Variants in COMMD10 observed in about 807,000 individuals in gnomAD.
COMMD10 encodes the protein COMM domain-containing protein 10.
In COMMD10, 33 loss-of-function variants were observed where a neutral mutation model predicts 28.9. The ratio of observed to expected loss-of-function variants is 1.14; its 90% CI spans 0.87 to 1.53. The LOEUF (loss-of-function observed/expected upper bound fraction) is 1.53, where lower values mean the gene tolerates loss of function less well. COMMD10 is among the 40% of genes most tolerant of loss of function. The pLI, the probability that COMMD10 is intolerant of heterozygous loss-of-function variation, is 0.00. For synonymous variants in COMMD10, 110 were observed against 81.7 expected (o/e 1.35, Z -1.87); for missense variants, 310 against 233.4 (o/e 1.33, Z -2.14).
At chr5:116,154,804 A>G (rs910651603) in intron 5 of COMMD10, among the ~76,000 whole-genome samples, 1 of 150,428 alleles carries the variant, frequency 6.6e-6, no homozygotes, top group Admixed American at 6.6e-5. Flanking sequence ...TTTTTTTAAT[A>G]TACAGTGGGA....
At chr5:116,288,868 CTCTCTTTT>C (rs1751287544) in intron 5 of COMMD10, among the ~76,000 whole-genome samples, 2 of 132,032 alleles carry the variant, frequency 1.5e-5, no homozygotes, top group African/African-American at 6.0e-5. Context: ...TTGGTGTTCT[CTCTCTTTT>C]TTTTTTTTTT....
chr5:116,170,371 G>A (rs906959859), intron 5 of COMMD10, among the ~76,000 whole-genome samples: 11 of 152,210 alleles, frequency 7.2e-5, no homozygotes, highest in African/African-American at 2.4e-4. Flanking sequence ...CTATGCTCAT[G>A]CATAGGAAGA....
intron 4 of COMMD10, among the ~76,000 whole-genome samples, chr5:116,127,160 C>A (rs1399445038): frequency 1.3e-5 from 2 of 152,146 alleles, no homozygotes; most frequent in Non-Finnish European, 2.9e-5. Context: ...ATGCAGCCAA[C>A]AGACACATGA....
intron 5 of COMMD10, among the ~76,000 whole-genome samples, chr5:116,169,607 G>C (rs188234453): frequency 2.0e-5 from 3 of 152,228 alleles, no homozygotes; most frequent in Non-Finnish European, 2.9e-5. Context: ...CTGGCAAACT[G>C]AATCCAGCAG....
intron 5 of COMMD10, among the ~76,000 whole-genome samples, chr5:116,201,293 G>C (rs1748660533): frequency 6.6e-6 from 1 of 152,184 alleles, no homozygotes; most frequent in African/African-American, 2.4e-5. Context: ...GGAAGCATGA[G>C]TGGATTTTTC....
Position 116,278,637 on chromosome 5 carries a change from C to G in COMMD10, c.511-12880C>G, listed in dbSNP as rs137902624. ...TTCATGAAAATATTTCATGCGCTCT[C>G]TTATACGATTTTTATACTGAATAAA... On this transcript the variant is annotated intron_variant, in intron 5 of 6. Transcript: ENST00000274458. 2.0e-3 allele frequency among the ~76,000 whole-genome samples: 307 copies of G among 151,920 alleles called. 7 individuals are homozygous for G. Among genetic ancestry groups the G allele is most frequent in the African/African-American group, 7.1e-3 (292 of 41,276 alleles).
Position 116,288,872 on chromosome 5 carries a change from C to CT in COMMD10, c.511-2618dup, listed in dbSNP as rs1157658912. 5.6e-3 allele frequency among the ~76,000 whole-genome samples: 587 copies of CT among 104,342 alleles called. 59 individuals are homozygous for CT. The highest frequency in any genetic ancestry group is 0.013 in the East Asian group (47 of 3,572). 68.5% of individuals were successfully genotyped at this position (104,342 alleles called of 152,430 possible). On this transcript the variant is annotated intron_variant, in intron 5 of 6. Coordinates refer to ENST00000274458, the MANE Select transcript of COMMD10 (RefSeq NM_016144.4). ...GTTTTCAATTGTTGGTGTTCTCTCT[C>CT]TTTTTTTTTTTTTTTTTTTTTTTTT...
In COMMD10 at chr5:116,228,895, T is replaced by C. The variant is rs1252081045; in HGVS notation, c.511-62622T>C. On this transcript the variant is annotated intron_variant, in intron 5 of 6. Transcript: ENST00000274458. The stretch of plus-strand genomic sequence containing the variant: ...ATAAATAAGCATTGAGACATATTCT[T>C]GTAGTTGAAAACTTAGTGTGGGAAT... 2.0e-5 allele frequency among the ~76,000 whole-genome samples: 3 copies of C among 152,138 alleles called. No homozygotes were observed. The East Asian group carries it at 5.8e-4, about 29-fold the overall frequency.
At chr5:116,272,070 A>G (rs1750774708) in intron 5 of COMMD10, among the ~76,000 whole-genome samples, 1 of 151,898 alleles carries the variant, frequency 6.6e-6, no homozygotes, top group African/African-American at 2.4e-5. Context: ...GAATTAAAAT[A>G]TAAAAATAAA....
chr5:116,111,236 T>C (rs746059568), intron 4 of COMMD10, among the ~76,000 whole-genome samples: 7 of 152,136 alleles, frequency 4.6e-5, no homozygotes, highest in Non-Finnish European at 7.4e-5. Context: ...GTTTCATTAA[T>C]TTTTTAATTT....
intron 5 of COMMD10, among the ~76,000 whole-genome samples, chr5:116,167,198 C>G (rs909275201): frequency 9.2e-5 from 14 of 151,894 alleles, no homozygotes; most frequent in African/African-American, 3.1e-4. Flanking sequence ...GAACTTCATG[C>G]AGCCTACACA....
intron 5 of COMMD10, among the ~76,000 whole-genome samples, chr5:116,158,067 C>T (rs1406225673): frequency 6.6e-6 from 1 of 151,170 alleles, no homozygotes; most frequent in Non-Finnish European, 1.5e-5. Flanking sequence ...TAAATCATGA[C>T]TTGTTAACTC....
At chr5:116,158,052 G>T (rs1341257431) in intron 5 of COMMD10, among the ~76,000 whole-genome samples, 1 of 151,098 alleles carries the variant, frequency 6.6e-6, no homozygotes, top group Non-Finnish European at 1.5e-5. Flanking sequence ...CTAGATCCTG[G>T]CCTGTAAATC....
intron 5 of COMMD10, among the ~76,000 whole-genome samples, chr5:116,273,376 A>T (rs1223646159): frequency 1.3e-5 from 2 of 151,978 alleles, no homozygotes; most frequent in Non-Finnish European, 2.9e-5. Context: ...GTGATGTTTG[A>T]TAGATGCTGT....
intron 5 of COMMD10, among the ~76,000 whole-genome samples, chr5:116,183,729 T>C (rs1215117258): frequency 1.3e-5 from 2 of 152,134 alleles, no homozygotes; most frequent in Admixed American, 6.6e-5. Flanking sequence ...TGTATAAATA[T>C]AAATTTTACA....
intron 5 of COMMD10, among the ~76,000 whole-genome samples, chr5:116,211,574 A>G (rs917485418): frequency 6.6e-6 from 1 of 152,122 alleles, no homozygotes; most frequent in Non-Finnish European, 1.5e-5. Flanking sequence ...TATTCAGTGC[A>G]TGACTATATA....
intron 5 of COMMD10, among the ~76,000 whole-genome samples, chr5:116,259,697 A>G (rs893170658): frequency 6.6e-6 from 1 of 151,736 alleles, no homozygotes; most frequent in Non-Finnish European, 1.5e-5. Context: ...CTGCAGGGCA[A>G]AAGAAGTGGG....
chr5:116,141,278 GT>G (rs1182072516), intron 5 of COMMD10, among the ~76,000 whole-genome samples: 1 of 151,474 alleles, frequency 6.6e-6, no homozygotes, highest in African/African-American at 2.4e-5. Context: ...TATTCCTTTT[GT>G]CTGTGTATCT....
chr5:116,262,166 A>G (rs530839905), intron 5 of COMMD10, among the ~76,000 whole-genome samples: 1 of 151,618 alleles, frequency 6.6e-6, no homozygotes, highest in Admixed American at 6.6e-5. Flanking sequence ...TACTATTCTG[A>G]TGAGTGTCTC....
Sources: gnomAD v4.1 joint callset for allele counts (sites outside exome capture counted in the v4.1 genomes callset) on GRCh38, gnomAD v4.1.1 for gene constraint, MANE v1.5 for transcripts, NCBI Gene and HGNC (gene_info 2026-07-23, HGNC 2026-07-21) for gene names.